CHST11: variants seen among roughly 807,000 people sequenced by gnomAD.
CHST11 encodes carbohydrate sulfotransferase 11, also known as C4S-1.
A neutral mutation model predicts 30.4 loss-of-function variants in CHST11; 9 were observed. That is an observed-to-expected ratio of 0.30 (90% CI 0.18 to 0.52). The LOEUF is 0.52. Among genes scored for constraint, CHST11 ranks in the 20% least tolerant of loss-of-function variants. The pLI is 0.97. For synonymous variants in CHST11, 152 were observed against 187.8 expected (o/e 0.81, Z 1.56); for missense variants, 348 against 460.6 (o/e 0.76, Z 2.24).
chr12:104,613,095 C>T (rs2039074774), intron 2 of CHST11, among the ~76,000 whole-genome samples: 1 of 151,806 alleles, frequency 6.6e-6, no homozygotes, highest in Non-Finnish European at 1.5e-5. Flanking sequence ...CATGGTGGCA[C>T]GTGCCTGTAG....
At chr12:104,488,058 GC>G (rs1224512051) in intron 1 of CHST11, among the ~76,000 whole-genome samples, 2 of 152,082 alleles carry the variant, frequency 1.3e-5, no homozygotes, top group African/African-American at 4.8e-5. Context: ...ACTGGTGCGT[GC>G]CACCACGCCT....
intron 1 of CHST11, among the ~76,000 whole-genome samples, chr12:104,575,005 A>G: frequency 6.6e-6 from 1 of 152,094 alleles, no homozygotes; most frequent in Admixed American, 6.5e-5. Context: ...CAGCCTGGCC[A>G]ACATGATGAA....
chr12:104,478,204 C>T (rs938357238), intron 1 of CHST11, among the ~76,000 whole-genome samples: 3 of 152,158 alleles, frequency 2.0e-5, no homozygotes, highest in African/African-American at 4.8e-5. Context: ...CAAACACACA[C>T]GGCAGATGGA....
intron 1 of CHST11, among the ~76,000 whole-genome samples, chr12:104,544,488 C>CTG (rs2038323227): frequency 6.6e-6 from 1 of 152,010 alleles, no homozygotes; most frequent in Admixed American, 6.6e-5. Context: ...GGGGGGATCA[C>CTG]CTGAGGCCAG....
chr12:104,678,014 T>C (rs703679), intron 2 of CHST11, among the ~76,000 whole-genome samples: 38,567 of 152,194 alleles, frequency 0.25, 6,990 homozygotes, highest in African/African-American at 0.51. Flanking sequence ...TCACCTCCTT[T>C]GAGAGGCCTT....
At chr12:104,524,980 G>A (rs565139269) in intron 1 of CHST11, among the ~76,000 whole-genome samples, 81 of 152,072 alleles carry the variant, frequency 5.3e-4, no homozygotes, top group African/African-American at 1.8e-3. Flanking sequence ...TGCATAACTC[G>A]GCATAGTGTA....
In CHST11 at chr12:104,606,236, ATC is replaced by A. The variant is rs1281852715; in HGVS notation, c.204+4249_204+4250del. Among the ~76,000 whole-genome samples, 5 of 151,394 alleles carry A rather than the reference ATC, an allele frequency of 3.3e-5. No homozygotes were observed. The East Asian group carries it at 9.7e-4, about 29-fold the overall frequency. ...CAAGATCTTGGAGGCCCCCACTGAA[ATC>A]TCTGTTACATGGTGGCGCCTCATTG... is the stretch of plus-strand genomic sequence containing the variant. On this transcript the variant is annotated intron_variant, in intron 2 of 2. Coordinates refer to ENST00000303694, the MANE Select transcript of CHST11 (RefSeq NM_018413.6).
chr12:104,555,922 G>A (rs1315886416), intron 1 of CHST11, among the ~76,000 whole-genome samples: 1 of 152,248 alleles, frequency 6.6e-6, no homozygotes, highest in African/African-American at 2.4e-5. Context: ...GATGAGAAAG[G>A]AAGGTGTCTG....
At chr12:104,683,460 TAAAG>T (rs1472233216) in intron 2 of CHST11, among the ~76,000 whole-genome samples, 1 of 152,222 alleles carries the variant, frequency 6.6e-6, no homozygotes, top group Non-Finnish European at 1.5e-5. Context: ...TTCAGACCTC[TAAAG>T]GTCTAAATCC....
intron 2 of CHST11, among the ~76,000 whole-genome samples, chr12:104,672,389 C>G (rs1271718014): frequency 6.6e-6 from 1 of 152,138 alleles, no homozygotes; most frequent in Non-Finnish European, 1.5e-5. Flanking sequence ...GCAGATAGCT[C>G]CAGAAATGGA....
chr12:104,625,299 A>ATCCTTT (rs2039201913), intron 2 of CHST11, among the ~76,000 whole-genome samples: 1 of 152,104 alleles, frequency 6.6e-6, no homozygotes, highest in Admixed American at 6.5e-5. Flanking sequence ...GCCAGTGACC[A>ATCCTTT]TCCTTTTTCT....
intron 1 of CHST11, among the ~76,000 whole-genome samples, chr12:104,517,195 T>C (rs948495048): frequency 6.6e-6 from 1 of 152,190 alleles, no homozygotes; most frequent in African/African-American, 2.4e-5. Flanking sequence ...TTGGGTGCAC[T>C]GTAAGAGAAG....
chr12:104,641,304 G>A (rs909485072), intron 2 of CHST11, among the ~76,000 whole-genome samples: 2 of 152,206 alleles, frequency 1.3e-5, no homozygotes, highest in Non-Finnish European at 2.9e-5. Flanking sequence ...CATCCACTGA[G>A]CTGTTAACAC....
intron 1 of CHST11, among the ~76,000 whole-genome samples, chr12:104,511,229 CTCTTCTTCCTCCTCCCAG>C (rs1177838321): frequency 6.6e-6 from 1 of 152,120 alleles, no homozygotes; most frequent in Non-Finnish European, 1.5e-5. Context: ...ATAATAGAAT[CTCTTCTTCCTCCTCCCAG>C]CCTTCTCCTC....
intron 1 of CHST11, among the ~76,000 whole-genome samples, chr12:104,502,753 T>G (rs1489290408): frequency 1.3e-5 from 2 of 152,154 alleles, no homozygotes; most frequent in East Asian, 1.9e-4. Context: ...ATGAAAGAAT[T>G]TTAACAATGG....
chr12:104,628,102 A>G (rs2039235093), intron 2 of CHST11, among the ~76,000 whole-genome samples: 2 of 152,184 alleles, frequency 1.3e-5, no homozygotes, highest in Non-Finnish European at 2.9e-5. Context: ...TGCCTGGCAC[A>G]GTGCTCTAAG....
chr12:104,680,709 A>G (rs184572124), intron 2 of CHST11, among the ~76,000 whole-genome samples: 6 of 151,694 alleles, frequency 4.0e-5, no homozygotes, highest in African/African-American at 9.6e-5. Context: ...GTATGTGCCC[A>G]CCCAAACCAC....
intron 2 of CHST11, among the ~76,000 whole-genome samples, chr12:104,648,069 A>G (rs937300633): frequency 1.3e-5 from 2 of 152,154 alleles, no homozygotes; most frequent in Non-Finnish European, 2.9e-5. Flanking sequence ...AGGTCAATCT[A>G]TTGTGTTTTG....
At chr12:104,633,405 CCTCT>C (rs1233278916) in intron 2 of CHST11, among the ~76,000 whole-genome samples, 4 of 147,334 alleles carry the variant, frequency 2.7e-5, no homozygotes, top group Non-Finnish European at 4.4e-5. Flanking sequence ...TGCTCCTCTC[CCTCT>C]GTCTTTTTTT....
Sources: allele counts gnomAD v4.1 joint callset (sites outside exome capture counted in the v4.1 genomes callset), GRCh38; gene constraint gnomAD v4.1.1; transcripts MANE v1.5; gene names NCBI Gene and HGNC (gene_info 2026-07-23, HGNC 2026-07-21).